VEZT: variants seen among roughly 807,000 people sequenced by gnomAD.
The protein encoded by VEZT is vezatin, adherens junctions transmembrane protein, also known as vezatin.
VEZT carries 39 observed loss-of-function variants against 79.9 expected under a neutral mutation model. The observed-to-expected ratio is 0.49, with a 90% confidence interval of 0.38 to 0.64. VEZT has a LOEUF of 0.64. Among genes scored for constraint, VEZT ranks in the 30% least tolerant of loss-of-function variants. The pLI, the probability that VEZT is intolerant of heterozygous loss-of-function variation, is 0.00. For synonymous variants in VEZT, 325 were observed against 327.6 expected, an observed-to-expected ratio of 0.99 and a Z score of 0.09; for missense variants, 837 against 893.1, an observed-to-expected ratio of 0.94 and a Z score of 0.80.
intron 7 of VEZT, among the ~76,000 whole-genome samples, chr12:95,276,224 ATT>A (rs1212171899): frequency 7.5e-6 from 1 of 132,806 alleles, no homozygotes; most frequent in Non-Finnish European, 1.7e-5. Context: ...TTGGAAACAA[ATT>A]TTTTTTGTTT....
chr12:95,266,519 A>C lies in VEZT; in HGVS notation c.597A>C (p.Lys199Asn). The change falls in exon 5 of 12, where the codon AAA becomes AAC. Residue 199 changes from lysine to asparagine, a missense_variant. Coordinates refer to ENST00000436874, the MANE Select transcript of VEZT (RefSeq NM_017599.4). The stretch of plus-strand genomic sequence containing the variant: ...CCAAACTACAAGTGACCCTAAAAAA[A>C]TACAGCGTTCATTTGGAAGATATGG... ...RTAKLQVTLK[K>N]YSVHLEDMAT... The C allele has an allele frequency of 4.3e-6, 7 of 1,613,980 alleles. No individual in the cohort carries two copies. The highest frequency in any genetic ancestry group is 2.5e-6 in the Non-Finnish European group (3 of 1,179,878).
chr12:95,268,592 A>G (rs183917668), intron 5 of VEZT, among the ~76,000 whole-genome samples: 1 of 152,326 alleles, frequency 6.6e-6, no homozygotes, highest in Non-Finnish European at 1.5e-5. Context: ...TTAGGCGTGT[A>G]TAGAGGATTC....
At chr12:95,277,576 C>T (rs2139088741) in intron 7 of VEZT, among the ~76,000 whole-genome samples, 1 of 152,226 alleles carries the variant, frequency 6.6e-6, no homozygotes, top group East Asian at 1.9e-4. Context: ...TTGCTTTATT[C>T]TTTAAGGAAA....
chr12:95,262,109 G>A (rs1433873598), intron 3 of VEZT, among the ~76,000 whole-genome samples: 2 of 152,142 alleles, frequency 1.3e-5, no homozygotes, highest in Non-Finnish European at 2.9e-5. Context: ...ACTTAGCTCA[G>A]GCTTCACCTC....
chr12:95,292,476 C>T (rs2073117461), intron 9 of VEZT, among the ~76,000 whole-genome samples: 1 of 151,122 alleles, frequency 6.6e-6, no homozygotes. Flanking sequence ...GTAGCAGGCA[C>T]TTTTCATGTA....
chr12:95,280,333 G>C (rs1409428791), intron 7 of VEZT, among the ~76,000 whole-genome samples: 2 of 151,926 alleles, frequency 1.3e-5, no homozygotes, highest in Non-Finnish European at 2.9e-5. Context: ...TTGACTTCCT[G>C]CTCCCTAGAA....
At chr12:95,276,369 A>C (rs1303691973) in intron 7 of VEZT, among the ~76,000 whole-genome samples, 1 of 141,314 alleles carries the variant, frequency 7.1e-6, no homozygotes, top group East Asian at 2.1e-4. Context: ...CCCAGGCCTC[A>C]GGTGATCCTC....
intron 2 of VEZT, among the ~76,000 whole-genome samples, chr12:95,253,304 A>G (rs938044669): frequency 2.0e-5 from 3 of 152,182 alleles, no homozygotes; most frequent in Non-Finnish European, 4.4e-5. Context: ...CCTTTCCCCA[A>G]TCTTCTTACA....
At chr12:95,237,910 C>T (rs564616566) in intron 1 of VEZT, among the ~76,000 whole-genome samples, 5 of 152,154 alleles carry the variant, frequency 3.3e-5, no homozygotes, top group East Asian at 3.9e-4. Context: ...AATGTTCTCA[C>T]GAGAAAAAAG....
At chr12:95,226,252 G>A (rs1037551575) in intron 1 of VEZT, among the ~76,000 whole-genome samples, 1 of 152,012 alleles carries the variant, frequency 6.6e-6, no homozygotes, top group Non-Finnish European at 1.5e-5. Context: ...GATAATTTGG[G>A]AAATTTCAGA....
At position 95,270,115 on chromosome 12, in the gene VEZT, C is replaced by A; in HGVS notation, c.775C>A (p.Arg259=). The A allele has an allele frequency of 6.2e-7, 1 of 1,611,866 alleles. No homozygotes were observed. Among genetic ancestry groups the A allele is most frequent in the Non-Finnish European group, 8.5e-7 (1 of 1,179,072 alleles). The change falls in exon 6 of 12, where the codon CGG becomes AGG. Residue 259 remains arginine (R), a synonymous_variant. Coordinates refer to ENST00000436874, the MANE Select transcript of VEZT (RefSeq NM_017599.4). ...QHPSQHLIGL[R]KAVYRTLRAN... ...TCCAAGTCAGCATCTCATCGGTCTT[C>A]GGAAAGCTGTCTACCGAACTCTAAG... is the stretch of plus-strand genomic sequence containing the variant.
intron 9 of VEZT, 192 bp from the exon 10 acceptor site, chr12:95,294,080 C>A: frequency 2.1e-6 from 1 of 483,898 alleles, no homozygotes; most frequent in Non-Finnish European, 3.8e-6. Context: ...TTTGTAGCGA[C>A]AGAGTCTTTG....
At chr12:95,263,184 A>G (rs1267020099) in intron 4 of VEZT, 103 bp downstream of exon 4, 6 of 1,062,686 alleles carry the variant, frequency 5.6e-6, no homozygotes, top group Admixed American at 2.7e-5. Flanking sequence ...AACATTCCAT[A>G]CATTTAGCAG....
chr12:95,261,873 G>A (rs977683014), intron 3 of VEZT, among the ~76,000 whole-genome samples: 1 of 152,202 alleles, frequency 6.6e-6, no homozygotes, highest in African/African-American at 2.4e-5. Flanking sequence ...ATAATGGAGA[G>A]GAGGATGATA....
intron 1 of VEZT, among the ~76,000 whole-genome samples, chr12:95,221,371 C>T (rs533767469): frequency 5.9e-5 from 9 of 152,278 alleles, no homozygotes; most frequent in African/African-American, 2.2e-4. Flanking sequence ...TGAGACCAGC[C>T]TGGCCAACAT....
At chr12:95,252,632 T>C (rs1163132728) in intron 2 of VEZT, among the ~76,000 whole-genome samples, 2 of 152,232 alleles carry the variant, frequency 1.3e-5, no homozygotes, top group Non-Finnish European at 2.9e-5. Flanking sequence ...ATGCATTTTC[T>C]GGATTCATTT....
At chr12:95,264,869 CTTT>C (rs71078693) in intron 4 of VEZT, among the ~76,000 whole-genome samples, 2 of 113,324 alleles carry the variant, frequency 1.8e-5, no homozygotes, top group Non-Finnish European at 3.6e-5. Flanking sequence ...CTTTTCTTTT[CTTT>C]TTTTTTTTTT....
chr12:95,224,216 G>A (rs1307916441), intron 1 of VEZT: 3 of 455,894 alleles, frequency 6.6e-6, no homozygotes, highest in African/African-American at 6.0e-5. Context: ...ATCAGAGGAT[G>A]GAGGAAAGAG....
chr12:95,241,861 A>G (rs1317225160), intron 1 of VEZT, among the ~76,000 whole-genome samples: 1 of 152,220 alleles, frequency 6.6e-6, no homozygotes, highest in African/African-American at 2.4e-5. Context: ...GAATAATTCA[A>G]ATTGACAGGT....
Sources: allele counts gnomAD v4.1 joint callset (sites outside exome capture counted in the v4.1 genomes callset), GRCh38; gene constraint gnomAD v4.1.1; transcripts MANE v1.5; gene names NCBI Gene and HGNC (gene_info 2026-07-23, HGNC 2026-07-21).